PCDHGA4: variants seen among roughly 807,000 people sequenced by gnomAD.
PCDHGA4 encodes the protein protocadherin gamma subfamily A, 4.
In PCDHGA4, 38 loss-of-function variants were observed where a neutral mutation model predicts 54.6. The observed-to-expected ratio is 0.70, with a 90% CI of 0.54 to 0.91. PCDHGA4 has a LOEUF of 0.91. PCDHGA4 is among the 40% of genes least tolerant of loss of function. PCDHGA4 has a pLI of 0.00. For synonymous variants in PCDHGA4, 511 were observed against 512.9 expected, an observed-to-expected ratio of 1.00 and a Z score of 0.05; for missense variants, 1,298 against 1,220.9, an observed-to-expected ratio of 1.06 and a Z score of -0.94.
At chr5:141,509,040 C>G (rs1217864661) in intron 3 of PCDHGA4, among the ~76,000 whole-genome samples, 1 of 152,132 alleles carries the variant, frequency 6.6e-6, no homozygotes, top group Non-Finnish European at 1.5e-5. Context: ...CAACCCCTCT[C>G]CCCCGCCCCC....
At chr5:141,443,952 A>T (rs1355073040) in intron 1 of PCDHGA4, among the ~76,000 whole-genome samples, 4 of 152,134 alleles carry the variant, frequency 2.6e-5, no homozygotes, top group Non-Finnish European at 4.4e-5. Context: ...CCTTATTGGT[A>T]TGTATTCTGT....
At chr5:141,358,657 A>T (rs1423903378) in intron 1 of PCDHGA4, among the ~76,000 whole-genome samples, 2 of 152,232 alleles carry the variant, frequency 1.3e-5, no homozygotes, top group South Asian at 2.1e-4. Context: ...TCTAGGAGTA[A>T]CTTTAATAAT....
chr5:141,494,678 G>A, intron 1 of PCDHGA4, 129 bp from the exon 2 acceptor site: 1 of 1,554,384 alleles, frequency 6.4e-7, no homozygotes, highest in Non-Finnish European at 8.7e-7. Flanking sequence ...GTCCACCCCT[G>A]CCCCCTCTTA....
intron 1 of PCDHGA4, chr5:141,427,909 C>G: frequency 6.3e-7 from 1 of 1,576,922 alleles, no homozygotes; most frequent in Non-Finnish European, 8.7e-7. Context: ...GCGCTCAGCG[C>G]CAACATGAGC....
In PCDHGA4 at chr5:141,434,915, T is replaced by A. The variant is rs1301814716; in HGVS notation, c.2515-59892T>A. Among the ~76,000 whole-genome samples, 3 of 151,830 alleles carry A rather than the reference T, an allele frequency of 2.0e-5. No homozygotes were observed. The East Asian group carries it at 5.8e-4, about 29-fold the overall frequency. ...GTCCCCTTCCCTCATACCTTATTTATGTACATATATTTTATATAATAGATA... is the reference window on the plus strand; with the variant it reads ...GTCCCCTTCCCTCATACCTTATTTAAGTACATATATTTTATATAATAGATA... On this transcript the variant is annotated intron_variant, in intron 1 of 3. Transcript: ENST00000571252.
chr5:141,408,379 G>T (rs2095093592), intron 1 of PCDHGA4: 13 of 1,613,914 alleles, frequency 8.1e-6, no homozygotes, highest in Non-Finnish European at 1.1e-5. Context: ...TCAGTGTCCT[G>T]GATGTGTCGG....
rs1362496624 is a variant in PCDHGA4, at chr5:141,432,370, C to T, written c.2515-62437C>T. On this transcript the variant is annotated intron_variant, in intron 1 of 3. Coordinates refer to ENST00000571252, the MANE Select transcript of PCDHGA4 (RefSeq NM_018917.4). This position sits in a 1 kb window ranked among gnomAD's most constrained non-coding sequence, Gnocchi z 6.0. ...AAGTGAAAGTGATGGCGCGGGACAA[C>T]GGGCACCCGCCCCTCAGCAGCAACG... The T allele has an allele frequency of 6.2e-7, 1 of 1,614,240 alleles. No individual in the cohort carries two copies. Among genetic ancestry groups the T allele is most frequent in the Non-Finnish European group, 8.5e-7 (1 of 1,180,048 alleles).
chr5:141,511,138 A>C lies in PCDHGA4; in HGVS notation c.2854A>C (p.Asn952His). 6.2e-7 allele frequency: 1 copy of C among 1,614,210 alleles called. No homozygotes were observed. ...DGKAPAGGNGNKKKSGKKEKK is the reference protein window; with the variant it reads ...DGKAPAGGNGHKKKSGKKEKK ...CAAGGCCCCAGCAGGTGGCAATGGCAACAAGAAGAAGTCGGGCAAGAAGGA... is the reference window on the plus strand; with the variant it reads ...CAAGGCCCCAGCAGGTGGCAATGGCCACAAGAAGAAGTCGGGCAAGAAGGA... Residue 952 changes from asparagine to histidine, a missense_variant, in exon 4 of 4, where the codon AAC becomes CAC. Transcript: ENST00000571252.
chr5:141,395,489 A>C (rs1268928793), intron 1 of PCDHGA4: 1 of 480,438 alleles, frequency 2.1e-6, no homozygotes, highest in Non-Finnish European at 3.6e-6. Flanking sequence ...TCCTATTATC[A>C]CTCATTCACT....
chr5:141,408,158 T>G lies in PCDHGA4; in HGVS notation c.2514+50537T>G, dbSNP rs1190245850. On this transcript the variant is annotated intron_variant, in intron 1 of 3. Coordinates refer to ENST00000571252, the MANE Select transcript of PCDHGA4 (RefSeq NM_018917.4). ...TCTTTTAGCGCGGTAGAGTGCACTTTCTCCAACTGGAAAAGCGGGGACCCA... is the reference window on the plus strand; with the variant it reads ...TCTTTTAGCGCGGTAGAGTGCACTTGCTCCAACTGGAAAAGCGGGGACCCA... The G allele has an allele frequency of 2.0e-6, 3 of 1,515,140 alleles. No individual in the cohort carries two copies. In the Admixed American group the frequency reaches 6.4e-5, roughly 32 times the overall value. The allele number at this position is 1,515,140 out of a possible 1,614,324, so 93.9% of individuals were successfully genotyped here.
Position 141,490,192 on chromosome 5 carries a change from A to C in PCDHGA4, c.2515-4615A>C. 1 of 1,614,182 alleles carries C rather than the reference A, an allele frequency of 6.2e-7. No homozygotes were observed. Among genetic ancestry groups the C allele is most frequent in the South Asian group, 1.1e-5 (1 of 91,082 alleles). On this transcript the variant is annotated intron_variant, in intron 1 of 3. Coordinates refer to ENST00000571252, the MANE Select transcript of PCDHGA4 (RefSeq NM_018917.4). The surrounding 1 kb of genome is among the most constrained non-coding windows in gnomAD (Gnocchi z 5.4). Reference sequence around the variant, plus strand: ...CTTTGAGGAGTCACGTTTCTATGAAATTCATGCAAGAGCCCGTGACCAGGG... The same window carrying C: ...CTTTGAGGAGTCACGTTTCTATGAACTTCATGCAAGAGCCCGTGACCAGGG...
intron 1 of PCDHGA4, chr5:141,384,388 CA>C (rs1780036142): frequency 2.5e-6 from 4 of 1,613,934 alleles, no homozygotes; most frequent in Non-Finnish European, 3.4e-6. Flanking sequence ...AGACACCATC[CA>C]GGGGGCTCCA....
At position 141,512,815 on chromosome 5, in the gene PCDHGA4, A is replaced by AC. The variant is rs1215322144; in HGVS notation, c.*1647dup. ...TGTGCTGTGTCCACGCGCTAAGGCG[A>AC]CCCCCTCCCCCGTACTGACTTCTCC... is the stretch of plus-strand genomic sequence containing the variant. On this transcript the variant is annotated 3_prime_UTR_variant, in exon 4 of 4. Coordinates refer to ENST00000571252, the MANE Select transcript of PCDHGA4 (RefSeq NM_018917.4). The AC allele has an allele frequency of 6.7e-6, 1 of 149,682 alleles. No homozygotes were observed. The highest frequency in any genetic ancestry group is 1.5e-5 in the Non-Finnish European group (1 of 67,474). 9.3% of individuals were successfully genotyped at this position (149,682 alleles called of 1,614,324 possible).
At chr5:141,398,568 G>A (rs761294182) in intron 1 of PCDHGA4, 5 of 1,614,014 alleles carry the variant, frequency 3.1e-6, no homozygotes, top group African/African-American at 1.3e-5. Flanking sequence ...AGTCTGCACA[G>A]CCTGGCACAA....
At chr5:141,423,591 A>G in intron 1 of PCDHGA4, 1 of 1,613,312 alleles carries the variant, frequency 6.2e-7, no homozygotes, top group South Asian at 1.1e-5. Context: ...GCTGTGAGAA[A>G]AGCGAGCCAC....
At chr5:141,382,839 T>TA in intron 1 of PCDHGA4, 1 of 1,450,270 alleles carries the variant, frequency 6.9e-7, no homozygotes, top group South Asian at 1.4e-5. Flanking sequence ...TCCACCCGGA[T>TA]ACACCCGCAT....
intron 1 of PCDHGA4, chr5:141,384,446 C>T (rs781605513): frequency 5.6e-6 from 9 of 1,614,034 alleles, no homozygotes; most frequent in South Asian, 4.4e-5. Context: ...GTCCTGTACG[C>T]GCTGCAATCC....
intron 1 of PCDHGA4, chr5:141,387,659 G>A: frequency 1.5e-6 from 1 of 650,434 alleles, no homozygotes; most frequent in Non-Finnish European, 2.6e-6. Context: ...GGAGAGCTTG[G>A]CGCTCCAGAT....
intron 1 of PCDHGA4, chr5:141,433,240 C>A (rs533423214): frequency 1.3e-6 from 2 of 1,488,038 alleles, no homozygotes; most frequent in Non-Finnish European, 1.8e-6. Flanking sequence ...GTCTCCCAAG[C>A]TGGAATGCAG....
Sources: allele counts gnomAD v4.1 joint callset (sites outside exome capture counted in the v4.1 genomes callset), GRCh38; gene constraint gnomAD v4.1.1; non-coding constraint Gnocchi (gnomAD v3.1); transcripts MANE v1.5; gene names NCBI Gene and HGNC (gene_info 2026-07-23, HGNC 2026-07-21).